Variants in SNX19 observed in about 807,000 individuals in gnomAD.
SNX19 encodes sorting nexin 19.
A neutral mutation model predicts 85.2 loss-of-function variants in SNX19; 60 were observed. The ratio of observed to expected loss-of-function variants is 0.70; its 90% CI spans 0.57 to 0.87. The LOEUF (loss-of-function observed/expected upper bound fraction) is 0.87. SNX19 is among the 40% of genes least tolerant of loss of function. SNX19 has a pLI of 0.00. For missense variants in SNX19, 1,201 were observed against 1,217.8 expected, an observed-to-expected ratio of 0.99 and a Z score of 0.21; for synonymous variants, 520 against 470.0, an observed-to-expected ratio of 1.11 and a Z score of -1.38.
At chr11:130,901,309 A>G (rs939901858) in intron 8 of SNX19, among the ~76,000 whole-genome samples, 25 of 152,196 alleles carry the variant, frequency 1.6e-4, no homozygotes, top group African/African-American at 6.0e-4. Context: ...ACACACTGTG[A>G]CAAGTATTAT....
intron 1 of SNX19, among the ~76,000 whole-genome samples, chr11:130,912,325 T>C (rs1946190296): frequency 6.6e-6 from 1 of 152,220 alleles, no homozygotes; most frequent in Non-Finnish European, 1.5e-5. Flanking sequence ...TAAGTACGTA[T>C]CATCTGTATC....
chr11:130,909,983 A>T, intron 4 of SNX19, 35 bp downstream of exon 4: 1 of 1,610,180 alleles, frequency 6.2e-7, no homozygotes, highest in South Asian at 1.1e-5. Flanking sequence ...TTTATAGATC[A>T]AAACTAAAGC....
At chr11:130,903,624 CTA>C (rs1261902726) in intron 7 of SNX19, among the ~76,000 whole-genome samples, 2 of 150,666 alleles carry the variant, frequency 1.3e-5, no homozygotes, top group Non-Finnish European at 2.9e-5. Context: ...ATAAATGTTT[CTA>C]TGTTTTTAAA....
At chr11:130,886,126 T>C (rs1183082735) in intron 8 of SNX19, among the ~76,000 whole-genome samples, 3 of 152,214 alleles carry the variant, frequency 2.0e-5, no homozygotes, top group Non-Finnish European at 2.9e-5. Flanking sequence ...GATATAATTG[T>C]ATCAGGCTAC....
Position 130,914,701 on chromosome 11 carries a change from G to C in SNX19, c.1239C>G (p.Pro413=), listed in dbSNP as rs772725148. 5 of 1,613,776 alleles carry C rather than the reference G, an allele frequency of 3.1e-6. No homozygotes were observed. The highest frequency in any genetic ancestry group is 4.2e-6 in the Non-Finnish European group (5 of 1,179,908). ...CALESSQALE[P]KDGEASEGAE... Reference sequence around the variant, plus strand: ...CTCCTTCAGATGCCTCACCATCTTTGGGTTCCAGAGCCTGGGAACTCTCTA... The same window carrying C: ...CTCCTTCAGATGCCTCACCATCTTTCGGTTCCAGAGCCTGGGAACTCTCTA... Residue 413 remains proline (P), a synonymous_variant, in exon 1 of 11, where the codon CCC becomes CCG. Transcript: ENST00000265909.
rs759057993 is a variant in SNX19 at position 130,906,954 on chromosome 11, T to A, written c.2166-233A>T. ...CGCATACACTAAGCTATGTCTACAGTGCACTTGTGAAATGGTTTCTGCTAA... is the reference window on the plus strand; with the variant it reads ...CGCATACACTAAGCTATGTCTACAGAGCACTTGTGAAATGGTTTCTGCTAA... On this transcript the variant is annotated intron_variant, in intron 5 of 10. Transcript: ENST00000265909. Among the ~76,000 whole-genome samples the A allele has an allele frequency of 8.5e-5, 13 of 152,230 alleles. 1 individual carries two copies. The highest frequency in any genetic ancestry group is 1.8e-4 in the Non-Finnish European group (12 of 68,040).
Position 130,872,024 on chromosome 11 carries a change from A to G in SNX19, c.*6398T>C, listed in dbSNP as rs1943045433. Among the ~76,000 whole-genome samples the G allele has an allele frequency of 6.6e-6, 1 of 152,114 alleles. No individual in the cohort carries two copies. Among genetic ancestry groups the G allele is most frequent in the African/African-American group, 2.4e-5 (1 of 41,418 alleles). On this transcript the variant is annotated 3_prime_UTR_variant, in exon 11 of 11. Coordinates refer to ENST00000265909, the MANE Select transcript of SNX19 (RefSeq NM_014758.3). Reference sequence around the variant, plus strand: ...CTGTTACCTTCGTTTTGTTTTTTTAATTCTCCCCTCCTAAGCTTCCACATC... The same window carrying G: ...CTGTTACCTTCGTTTTGTTTTTTTAGTTCTCCCCTCCTAAGCTTCCACATC...
intron 8 of SNX19, among the ~76,000 whole-genome samples, chr11:130,894,523 C>G (rs75011833): frequency 0.06 from 9,061 of 152,254 alleles, 327 homozygotes; most frequent in South Asian, 0.15. Flanking sequence ...ATCAACATCA[C>G]GGCAGGGGAC....
chr11:130,889,405 G>C (rs961983281), intron 8 of SNX19, among the ~76,000 whole-genome samples: 23 of 151,808 alleles, frequency 1.5e-4, no homozygotes, highest in Non-Finnish European at 4.4e-5. Context: ...CCCAGAAAAA[G>C]ACTCTTAAGG....
rs1024753395 is a variant in SNX19 at position 130,880,748 on chromosome 11, G to C, written c.2632C>G (p.Leu878Val). 2 of 1,609,944 alleles carry C rather than the reference G, an allele frequency of 1.2e-6. No homozygotes were observed. Among genetic ancestry groups the C allele is most frequent in the Non-Finnish European group, 1.7e-6 (2 of 1,176,850 alleles). ...GGCCAGATGGACTCCTGAAGAAGCA[G>C]GAGGTACTGCACCCAGCGCTGTGGA... is the stretch of plus-strand genomic sequence containing the variant. ...TSPQRWVQYLLLLQESIWPGG... is the reference protein window; with the variant it reads ...TSPQRWVQYLVLLQESIWPGG... The change falls in exon 9 of 11, where the codon CTG (leucine) becomes GTG (valine). Residue 878 changes from leucine (L) to valine (V), a missense_variant. Coordinates refer to ENST00000265909, the MANE Select transcript of SNX19 (RefSeq NM_014758.3).
At chr11:130,896,778 T>C (rs2135351991) in intron 8 of SNX19, among the ~76,000 whole-genome samples, 1 of 152,372 alleles carries the variant, frequency 6.6e-6, no homozygotes, top group Admixed American at 6.5e-5. Context: ...GGTATTAATA[T>C]TGTAATAAGC....
intron 8 of SNX19, among the ~76,000 whole-genome samples, chr11:130,881,652 A>G (rs1943687743): frequency 6.6e-6 from 1 of 152,192 alleles, no homozygotes; most frequent in African/African-American, 2.4e-5. Flanking sequence ...CTTTGTTCAT[A>G]ATAGTTCTCT....
chr11:130,896,453 G>A (rs1466493768), intron 8 of SNX19, among the ~76,000 whole-genome samples: 1 of 152,190 alleles, frequency 6.6e-6, no homozygotes, highest in Non-Finnish European at 1.5e-5. Context: ...GTGTGTCCCT[G>A]AGACCAGCTG....
At chr11:130,886,390 T>C (rs1007171667) in intron 8 of SNX19, among the ~76,000 whole-genome samples, 1 of 152,204 alleles carries the variant, frequency 6.6e-6, no homozygotes, top group African/African-American at 2.4e-5. Flanking sequence ...CATTTTTTAC[T>C]GTAGGTTGAA....
chr11:130,875,868 T>A lies in SNX19; in HGVS notation c.*2554A>T, dbSNP rs569506795. ...TAATAATAAAAATAAAATTTATACA[T>A]GCTCCTAGGCTCAGATTTAGGAATT... On this transcript the variant is annotated 3_prime_UTR_variant, in exon 11 of 11. Transcript: ENST00000265909. 1 of 152,234 alleles carries A rather than the reference T, an allele frequency of 6.6e-6. No individual in the cohort carries two copies. The highest frequency in any genetic ancestry group is 1.5e-5 in the Non-Finnish European group (1 of 68,044). The allele number at this position is 152,234 out of a possible 1,614,324, so 9.4% of individuals were successfully genotyped here. A position where few individuals can be genotyped will look rare whatever the true frequency, so the allele number is the denominator to read the frequency against.
chr11:130,909,697 A>G (rs1232922531), intron 4 of SNX19, among the ~76,000 whole-genome samples: 1 of 152,222 alleles, frequency 6.6e-6, no homozygotes, highest in Non-Finnish European at 1.5e-5. Flanking sequence ...CCCTCATGCC[A>G]GCTATCTGTG....
chr11:130,881,596 T>C (rs1943681137), intron 8 of SNX19, among the ~76,000 whole-genome samples: 1 of 152,236 alleles, frequency 6.6e-6, no homozygotes, highest in Admixed American at 6.5e-5. Flanking sequence ...TCCCCAGCCA[T>C]ATCTTCTGGT....
chr11:130,911,202 AAAAAAAAAG>A (rs954113018), intron 2 of SNX19, among the ~76,000 whole-genome samples: 11 of 106,428 alleles, frequency 1.0e-4, no homozygotes, highest in African/African-American at 4.0e-4. Flanking sequence ...GTCAAAAAAA[AAAAAAAAAG>A]GTTCCCCATG....
chr11:130,867,646 A>G lies in SNX19; in HGVS notation c.*10776T>C, dbSNP rs1942823411. On this transcript the variant is annotated 3_prime_UTR_variant, in exon 11 of 11. Coordinates refer to ENST00000265909, the MANE Select transcript of SNX19 (RefSeq NM_014758.3). The stretch of plus-strand genomic sequence containing the variant: ...TCCTTTCTTCCTTCCTTAAATTGAG[A>G]CCCAAATGAGGTGGAAGAAAATCTC... The G allele has an allele frequency of 6.6e-6, 1 of 152,186 alleles. No homozygotes were observed. The highest frequency in any genetic ancestry group is 2.4e-5 in the African/African-American group (1 of 41,444). The allele number at this position is 152,186 out of a possible 1,614,324, so 9.4% of individuals were successfully genotyped here. A position where few individuals can be genotyped will look rare whatever the true frequency, so the allele number is the denominator to read the frequency against.
Sources: allele counts gnomAD v4.1 joint callset (sites outside exome capture counted in the v4.1 genomes callset), GRCh38; gene constraint gnomAD v4.1.1; transcripts MANE v1.5; gene names NCBI Gene and HGNC (gene_info 2026-07-23, HGNC 2026-07-21).